Variants in UST observed in about 807,000 individuals in gnomAD.
UST encodes the protein chondroitin sulfate 2-O-sulfotransferase.
In UST, 21 loss-of-function variants were observed where a neutral mutation model predicts 45.6. The ratio of observed to expected loss-of-function variants is 0.46; its 90% CI spans 0.33 to 0.66. The LOEUF is 0.66. Ranked by LOEUF, UST falls within the 30% of genes least tolerant of loss-of-function variation. UST has a pLI of 0.02. For missense variants in UST, 463 were observed against 512.4 expected, an observed-to-expected ratio of 0.90 and a Z score of 0.93; for synonymous variants, 215 against 200.6, an observed-to-expected ratio of 1.07 and a Z score of -0.61.
intron 4 of UST, among the ~76,000 whole-genome samples, chr6:148,958,519 T>C (rs1169589865): frequency 2.0e-5 from 3 of 152,250 alleles, no homozygotes; most frequent in African/African-American, 7.2e-5. Flanking sequence ...GGTGCTTCTC[T>C]TTGTTAGGAT....
intron 1 of UST, among the ~76,000 whole-genome samples, chr6:148,872,640 T>A (rs775861469): frequency 4.6e-5 from 7 of 152,172 alleles, no homozygotes; most frequent in Non-Finnish European, 8.8e-5. Context: ...AAAATAATTA[T>A]CTTACAGTTC....
chr6:148,902,920 G>A (rs1188714888), intron 2 of UST, among the ~76,000 whole-genome samples: 2 of 152,156 alleles, frequency 1.3e-5, no homozygotes, highest in Middle Eastern at 3.4e-3. Context: ...TTCTCTGAAT[G>A]TTCCTTATTA....
At chr6:148,844,217 TTAAAC>T (rs1277718184) in intron 1 of UST, among the ~76,000 whole-genome samples, 4 of 152,314 alleles carry the variant, frequency 2.6e-5, no homozygotes, top group Non-Finnish European at 5.9e-5. Context: ...GTGCTAGACA[TTAAAC>T]TAAATACTCT....
At chr6:148,908,260 G>A (rs1015390919) in intron 2 of UST, among the ~76,000 whole-genome samples, 1 of 152,046 alleles carries the variant, frequency 6.6e-6, no homozygotes, top group Non-Finnish European at 1.5e-5. Context: ...AGTAAAAATA[G>A]GCTCTCATTA....
chr6:149,043,014 T>G (rs562589357), intron 7 of UST, among the ~76,000 whole-genome samples: 155 of 76,112 alleles, frequency 2.0e-3, no homozygotes, highest in Non-Finnish European at 3.2e-3. Flanking sequence ...TTTCTTTCTT[T>G]CTTTCTTTTT....
In UST at chr6:148,963,551, A is replaced by C. The variant is rs575079863; in HGVS notation, c.528-859A>C. ...CCTTTCATGGAAGGAATTAAAATGG[A>C]ACACCTGGCTATTTGCTTTATTTTT... On this transcript the variant is annotated intron_variant, in intron 4 of 7. Coordinates refer to ENST00000367463, the MANE Select transcript of UST (RefSeq NM_005715.3). Among the ~76,000 whole-genome samples, 3 of 152,152 alleles carry C rather than the reference A, an allele frequency of 2.0e-5. No homozygotes were observed. The East Asian group carries it at 5.8e-4, about 29-fold the overall frequency.
chr6:148,813,390 T>TTC (rs1434139499), intron 1 of UST, among the ~76,000 whole-genome samples: 2 of 151,960 alleles, frequency 1.3e-5, no homozygotes, highest in African/African-American at 4.8e-5. Context: ...GAATAATTTT[T>TTC]TTTTTTTTTG....
intron 4 of UST, 29 bp downstream of exon 4, chr6:148,953,980 T>G (rs369689042): frequency 6.5e-7 from 1 of 1,530,774 alleles, no homozygotes; most frequent in African/African-American, 1.4e-5. Context: ...TAATGGTTCT[T>G]TCATTTTCTT....
Position 148,808,994 on chromosome 6 carries a change from G to A in UST, c.247+61317G>A, listed in dbSNP as rs114991505. Reference sequence around the variant, plus strand: ...TAAATATCTGTTGTGTAAGCCACCCGGTCTATGGTATTTTGTTATAGCAGC... The same window carrying A: ...TAAATATCTGTTGTGTAAGCCACCCAGTCTATGGTATTTTGTTATAGCAGC... On this transcript the variant is annotated intron_variant, in intron 1 of 7. Transcript: ENST00000367463. Among the ~76,000 whole-genome samples, 1,398 of 152,294 alleles carry A rather than the reference G, an allele frequency of 9.2e-3. 24 individuals are homozygous for A. The highest frequency in any genetic ancestry group is 0.032 in the African/African-American group (1,314 of 41,560).
chr6:148,884,425 C>A (rs1778876538), intron 1 of UST, among the ~76,000 whole-genome samples: 1 of 131,220 alleles, frequency 7.6e-6, no homozygotes, highest in South Asian at 2.5e-4. Flanking sequence ...ACAGGGTATT[C>A]AGAGTGGGCA....
intron 5 of UST, among the ~76,000 whole-genome samples, chr6:149,002,987 C>T (rs1781581627): frequency 6.6e-6 from 1 of 152,084 alleles, no homozygotes; most frequent in South Asian, 2.1e-4. Context: ...TACTGTGATG[C>T]CTTATGTACA....
At chr6:149,037,096 G>A (rs1263415631) in intron 7 of UST, among the ~76,000 whole-genome samples, 1 of 152,214 alleles carries the variant, frequency 6.6e-6, no homozygotes, top group East Asian at 1.9e-4. Flanking sequence ...GGCATGGAGT[G>A]GGGGAGTGAA....
intron 1 of UST, among the ~76,000 whole-genome samples, chr6:148,871,716 A>G (rs578243065): frequency 3.9e-5 from 6 of 152,218 alleles, no homozygotes; most frequent in African/African-American, 1.4e-4. Flanking sequence ...GCTTTTAAGA[A>G]AAGTTCTCTC....
In UST at chr6:148,959,512, T is replaced by C. The variant is rs377102191; in HGVS notation, c.528-4898T>C. ...TTGCCTTTGTGAACCCTGGCTGGACTCGTCTTCCTAAATTGGCACTTTCTT... is the reference window on the plus strand; with the variant it reads ...TTGCCTTTGTGAACCCTGGCTGGACCCGTCTTCCTAAATTGGCACTTTCTT... On this transcript the variant is annotated intron_variant, in intron 4 of 7. Transcript: ENST00000367463. Among the ~76,000 whole-genome samples, 14 of 152,348 alleles carry C rather than the reference T, an allele frequency of 9.2e-5. No individual in the cohort carries two copies. In the East Asian group the frequency reaches 2.5e-3, roughly 27 times the overall value.
At chr6:148,812,445 A>G (rs1018860845) in intron 1 of UST, among the ~76,000 whole-genome samples, 1 of 152,206 alleles carries the variant, frequency 6.6e-6, no homozygotes, top group East Asian at 1.9e-4. Flanking sequence ...AGCAATAAAC[A>G]TTTACTATCT....
intron 7 of UST, among the ~76,000 whole-genome samples, chr6:149,056,112 CTTTTCTT>C (rs1776558798): frequency 2.2e-5 from 2 of 89,814 alleles, no homozygotes; most frequent in East Asian, 3.2e-4. Flanking sequence ...CTTTTCTTTT[CTTTTCTT>C]TTTTTTTTTT....
At chr6:149,062,684 TTAAC>T (rs1478363386) in intron 7 of UST, among the ~76,000 whole-genome samples, 6 of 152,214 alleles carry the variant, frequency 3.9e-5, no homozygotes, top group African/African-American at 1.4e-4. Flanking sequence ...AATTTGGAAA[TTAAC>T]AGCCTGTGGT....
At chr6:149,009,582 CATAG>C (rs202228298) in intron 5 of UST, among the ~76,000 whole-genome samples, 34,012 of 147,610 alleles carry the variant, frequency 0.23, 3,872 homozygotes, top group South Asian at 0.33. Context: ...CACACACACA[CATAG>C]ACAGACACAC....
At chr6:148,761,629 A>G (rs1776223865) in intron 1 of UST, among the ~76,000 whole-genome samples, 1 of 152,208 alleles carries the variant, frequency 6.6e-6, no homozygotes, top group Non-Finnish European at 1.5e-5. Context: ...TTGGTGGAGA[A>G]TGCCCGGCAG....
Sources: gnomAD v4.1 joint callset for allele counts (sites outside exome capture counted in the v4.1 genomes callset) on GRCh38, gnomAD v4.1.1 for gene constraint, MANE v1.5 for transcripts, NCBI Gene and HGNC (gene_info 2026-07-23, HGNC 2026-07-21) for gene names.